Variants in NELL1 observed in about 807,000 individuals in gnomAD.
NELL1 encodes the protein neural EGFL like 1, also known as protein kinase C-binding protein NELL1.
Under a neutral mutation model 107.4 loss-of-function variants are expected in NELL1, and 76 were observed. The ratio of observed to expected loss-of-function variants is 0.71; its 90% CI spans 0.59 to 0.86. The LOEUF (loss-of-function observed/expected upper bound fraction) is 0.86, where lower values mean the gene tolerates loss of function less well. Among genes scored for constraint, NELL1 ranks in the 40% least tolerant of loss-of-function variants. The pLI is 0.00. For synonymous variants in NELL1, 353 were observed against 341.2 expected (o/e 1.03, Z -0.38); for missense variants, 1,024 against 1,005.5 (o/e 1.02, Z -0.25).
At chr11:21,265,499 A>G (rs912927672) in intron 14 of NELL1, among the ~76,000 whole-genome samples, 2 of 152,064 alleles carry the variant, frequency 1.3e-5, no homozygotes, top group African/African-American at 4.8e-5. Flanking sequence ...ATGGCATGAC[A>G]GGTGAGAAAT....
chr11:21,481,606 C>G (rs1461693887), intron 15 of NELL1, among the ~76,000 whole-genome samples: 1 of 152,132 alleles, frequency 6.6e-6, no homozygotes, highest in Non-Finnish European at 1.5e-5. Flanking sequence ...AAGCTGGAGT[C>G]AAGAAGAAAA....
At chr11:21,365,543 TG>T (rs1851200367) in intron 14 of NELL1, among the ~76,000 whole-genome samples, 1 of 152,186 alleles carries the variant, frequency 6.6e-6, no homozygotes, top group Admixed American at 6.5e-5. Flanking sequence ...CCATTAGTAT[TG>T]CTGTCATTAT....
At chr11:21,285,691 T>C (rs747471855) in intron 14 of NELL1, among the ~76,000 whole-genome samples, 1 of 152,184 alleles carries the variant, frequency 6.6e-6, no homozygotes, top group African/African-American at 2.4e-5. Flanking sequence ...CCACAACATT[T>C]TGCGAAACAG....
In NELL1 at chr11:20,786,804, C is replaced by T. The variant is rs184326981; in HGVS notation, c.335+2974C>T. Among the ~76,000 whole-genome samples the T allele has an allele frequency of 8.2e-3, 1,246 of 151,768 alleles. 6 individuals carry two copies. The highest frequency in any genetic ancestry group is 0.011 in the Non-Finnish European group (762 of 67,906). The stretch of plus-strand genomic sequence containing the variant: ...TGGGCATATCACAAGGTCAGGAGAT[C>T]GAGACCATCCTGGCTAACACGGTGA... On this transcript the variant is annotated intron_variant, in intron 3 of 19. Coordinates refer to ENST00000357134, the MANE Select transcript of NELL1 (RefSeq NM_006157.5).
chr11:21,262,731 A>T (rs1006439473), intron 14 of NELL1, among the ~76,000 whole-genome samples: 2 of 151,810 alleles, frequency 1.3e-5, no homozygotes, highest in Non-Finnish European at 2.9e-5. Flanking sequence ...TGATATTGGT[A>T]TACATTTTCT....
chr11:20,756,552 A>G lies in NELL1; in HGVS notation c.185-27128A>G, dbSNP rs778384098. Among the ~76,000 whole-genome samples the G allele has an allele frequency of 2.4e-3, 306 of 126,420 alleles. 2 individuals are homozygous for G. The highest frequency in any genetic ancestry group is 4.9e-3 in the Admixed American group (57 of 11,636). 82.9% of individuals were successfully genotyped at this position (126,420 alleles called of 152,430 possible). ...TTTTTTTTTTTTTTTTAGTAGAGACAGGGTTTCACCATGCTAGCCAGGATG... is the reference window on the plus strand; with the variant it reads ...TTTTTTTTTTTTTTTTAGTAGAGACGGGGTTTCACCATGCTAGCCAGGATG... On this transcript the variant is annotated intron_variant, in intron 2 of 19. Transcript: ENST00000357134.
chr11:20,997,676 G>C (rs6483745), intron 12 of NELL1, among the ~76,000 whole-genome samples: 1 of 151,966 alleles, frequency 6.6e-6, no homozygotes, highest in Admixed American at 6.5e-5. Context: ...TTATTCCCAC[G>C]TAGAAAGTTT....
intron 14 of NELL1, among the ~76,000 whole-genome samples, chr11:21,364,956 A>G (rs1945405): frequency 0.64 from 96,562 of 152,028 alleles, 31,241 homozygotes; most frequent in African/African-American, 0.76. Flanking sequence ...TCTATTAAGT[A>G]CCTTTCCTCA....
intron 14 of NELL1, among the ~76,000 whole-genome samples, chr11:21,339,680 C>T (rs182068502): frequency 3.9e-5 from 6 of 152,306 alleles, no homozygotes; most frequent in Non-Finnish European, 1.5e-5. Context: ...CTGGCTGGAA[C>T]TGCTGAACAA....
intron 15 of NELL1, among the ~76,000 whole-genome samples, chr11:21,432,057 T>C (rs1470751209): frequency 6.6e-6 from 1 of 152,170 alleles, no homozygotes; most frequent in Non-Finnish European, 1.5e-5. Flanking sequence ...TATAACAGTG[T>C]ATAGCATATA....
chr11:21,546,192 A>G (rs930897574), intron 16 of NELL1, among the ~76,000 whole-genome samples: 7 of 151,986 alleles, frequency 4.6e-5, no homozygotes, highest in Non-Finnish European at 1.0e-4. Flanking sequence ...GATTTAACTT[A>G]TAAGTATTTT....
intron 5 of NELL1, among the ~76,000 whole-genome samples, chr11:20,904,023 G>A (rs1368649892): frequency 6.6e-6 from 1 of 152,080 alleles, no homozygotes; most frequent in African/African-American, 2.4e-5. Context: ...GGAGTGAGCA[G>A]AGCAGACCTT....
chr11:20,722,417 A>C (rs1715263), intron 2 of NELL1, among the ~76,000 whole-genome samples: 126,950 of 152,158 alleles, frequency 0.83, 53,320 homozygotes, highest in East Asian at 0.95. Context: ...AGTTGTATGG[A>C]ATTGGGCAAC....
intron 2 of NELL1, among the ~76,000 whole-genome samples, chr11:20,744,707 A>G (rs941580845): frequency 6.6e-6 from 1 of 152,228 alleles, no homozygotes; most frequent in East Asian, 1.9e-4. Flanking sequence ...AAGCCTTTGC[A>G]TATATCACAT....
chr11:20,710,144 G>T (rs1009757269), intron 2 of NELL1, among the ~76,000 whole-genome samples: 3 of 152,170 alleles, frequency 2.0e-5, no homozygotes, highest in Admixed American at 1.3e-4. Flanking sequence ...CAGGGGAAAT[G>T]CTTTCAACTT....
intron 4 of NELL1, among the ~76,000 whole-genome samples, chr11:20,855,420 A>T (rs989309383): frequency 2.6e-5 from 4 of 152,206 alleles, no homozygotes; most frequent in Non-Finnish European, 4.4e-5. Flanking sequence ...GAGTGGATTA[A>T]AAAGAAAGCA....
intron 3 of NELL1, 85 bp downstream of exon 3, chr11:20,783,915 C>A: frequency 7.5e-7 from 1 of 1,327,554 alleles, no homozygotes; most frequent in South Asian, 1.9e-5. Flanking sequence ...TTTGTAGCCC[C>A]ATGAAAACTT....
At chr11:21,472,163 G>C (rs921930917) in intron 15 of NELL1, among the ~76,000 whole-genome samples, 6 of 151,684 alleles carry the variant, frequency 4.0e-5, no homozygotes, top group Admixed American at 2.6e-4. Flanking sequence ...TTGTTTGTTT[G>C]TTTGTTTGTT....
intron 15 of NELL1, among the ~76,000 whole-genome samples, chr11:21,418,179 C>G (rs78454572): frequency 0.013 from 2,029 of 152,094 alleles, 15 homozygotes; most frequent in Non-Finnish European, 0.021. Context: ...GCTAGAAATA[C>G]AGTACTGAGA....
Sources: allele counts gnomAD v4.1 joint callset (sites outside exome capture counted in the v4.1 genomes callset), GRCh38; gene constraint gnomAD v4.1.1; transcripts MANE v1.5; gene names NCBI Gene and HGNC (gene_info 2026-07-23, HGNC 2026-07-21).